THSD7B: variants seen among roughly 807,000 people sequenced by gnomAD.
THSD7B encodes thrombospondin type 1 domain containing 7B, also known as thrombospondin type-1 domain-containing protein 7B.
Under a neutral mutation model 213.6 loss-of-function variants are expected in THSD7B, and 138 were observed. That is an observed-to-expected ratio of 0.65 (90% CI 0.56 to 0.74). The LOEUF (loss-of-function observed/expected upper bound fraction) is 0.74, where lower values mean the gene tolerates loss of function less well. Ranked by LOEUF, THSD7B falls within the 30% of genes least tolerant of loss-of-function variation. The pLI is 0.00. For synonymous variants in THSD7B, 742 were observed against 687.0 expected, an observed-to-expected ratio of 1.08 and a Z score of -1.25; for missense variants, 1,931 against 1,991.5, an observed-to-expected ratio of 0.97 and a Z score of 0.58.
chr2:136,919,496 T>C (rs1173115675), intron 2 of THSD7B, among the ~76,000 whole-genome samples: 1 of 152,246 alleles, frequency 6.6e-6, no homozygotes, highest in East Asian at 1.9e-4. Context: ...GTTTATTTTC[T>C]AACAGGCTTA....
At chr2:137,670,540 G>A (rs1311833341) in intron 27 of THSD7B, among the ~76,000 whole-genome samples, 2 of 152,104 alleles carry the variant, frequency 1.3e-5, no homozygotes, top group Admixed American at 6.5e-5. Context: ...AGAGTAAATT[G>A]TCTATGCTAA....
intron 7 of THSD7B, among the ~76,000 whole-genome samples, chr2:137,187,382 T>C (rs1680570715): frequency 6.6e-6 from 1 of 152,194 alleles, no homozygotes; most frequent in Non-Finnish European, 1.5e-5. Flanking sequence ...GACCATGGTG[T>C]GCAAGTTTTT....
chr2:136,920,531 C>T (rs193194214), intron 2 of THSD7B, among the ~76,000 whole-genome samples: 1 of 152,220 alleles, frequency 6.6e-6, no homozygotes, highest in East Asian at 1.9e-4. Flanking sequence ...CATGGGCAGA[C>T]CTGGAAAAAG....
intron 7 of THSD7B, among the ~76,000 whole-genome samples, chr2:137,216,251 G>A (rs980783455): frequency 7.1e-6 from 1 of 141,126 alleles, no homozygotes; most frequent in Non-Finnish European, 1.5e-5. Flanking sequence ...CAGTTGTCAG[G>A]GTATCCCTGA....
intron 12 of THSD7B, among the ~76,000 whole-genome samples, chr2:137,281,616 A>G (rs1683017286): frequency 7.5e-6 from 1 of 132,858 alleles, no homozygotes; most frequent in Non-Finnish European, 1.5e-5. Flanking sequence ...ATGTGTTCTC[A>G]TTGTTCAATT....
At chr2:137,370,194 T>G (rs538051620) in intron 12 of THSD7B, among the ~76,000 whole-genome samples, 10 of 152,172 alleles carry the variant, frequency 6.6e-5, no homozygotes, top group Non-Finnish European at 1.5e-4. Context: ...CGTATACTTG[T>G]GAAAGTATTT....
chr2:137,047,671 A>G (rs76620242), intron 2 of THSD7B, among the ~76,000 whole-genome samples: 3,229 of 152,250 alleles, frequency 0.021, 130 homozygotes, highest in African/African-American at 0.074. Context: ...CATCTCAACA[A>G]TGCCAGGTTG....
At position 136,882,219 on chromosome 2, in the gene THSD7B, G is replaced by T. The variant is rs1558836918; in HGVS notation, c.41G>T (p.Trp14Leu). 1 of 1,543,818 alleles carries T rather than the reference G, an allele frequency of 6.5e-7. No homozygotes were observed. Among genetic ancestry groups the T allele is most frequent in the East Asian group, 2.5e-5 (1 of 40,326 alleles). Residue 14 changes from tryptophan to leucine, a missense_variant, in exon 2 of 28, where the codon TGG becomes TTG. Coordinates refer to ENST00000409968, the MANE Select transcript of THSD7B (RefSeq NM_001316349.2). Reference protein sequence around the residue: ...KSNLTVTCWVWRSMRKLFLLL... With the variant: ...KSNLTVTCWVLRSMRKLFLLL... ...AACCTAACAGTCACTTGCTGGGTAT[G>T]GAGGAGCATGAGGAAGCTCTTTCTA...
At chr2:137,225,348 C>A (rs899391147) in intron 7 of THSD7B, among the ~76,000 whole-genome samples, 1 of 152,212 alleles carries the variant, frequency 6.6e-6, no homozygotes. Flanking sequence ...TGGGCTTGCT[C>A]CCCCAGTGCT....
chr2:137,320,372 G>C (rs1684236496), intron 12 of THSD7B, among the ~76,000 whole-genome samples: 1 of 152,070 alleles, frequency 6.6e-6, no homozygotes, highest in Admixed American at 6.6e-5. Flanking sequence ...AAAACAGTTT[G>C]CCCTGTTTCT....
In THSD7B at chr2:137,543,755, T is replaced by C. The variant is rs1168164630; in HGVS notation, c.3139-19466T>C. 5.9e-5 allele frequency among the ~76,000 whole-genome samples: 9 copies of C among 151,738 alleles called. No individual in the cohort carries two copies. In the East Asian group the frequency reaches 1.8e-3, roughly 30 times the overall value. Reference sequence around the variant, plus strand: ...GTATTGAGGATAAATAAAGAACTCTTACAACTGAACAACAGGAACACAAAT... The same window carrying C: ...GTATTGAGGATAAATAAAGAACTCTCACAACTGAACAACAGGAACACAAAT... On this transcript the variant is annotated intron_variant, in intron 15 of 27. Transcript: ENST00000409968.
intron 15 of THSD7B, among the ~76,000 whole-genome samples, chr2:137,453,084 T>C (rs895035898): frequency 5.3e-5 from 8 of 152,080 alleles, no homozygotes; most frequent in African/African-American, 1.9e-4. Context: ...ATAATTTAGT[T>C]TGGCTTTTAG....
intron 16 of THSD7B, among the ~76,000 whole-genome samples, chr2:137,564,931 C>G: frequency 6.6e-6 from 1 of 152,084 alleles, no homozygotes; most frequent in Non-Finnish European, 1.5e-5. Flanking sequence ...AGAAGGTGAC[C>G]ATTTGGAAAT....
intron 2 of THSD7B, among the ~76,000 whole-genome samples, chr2:136,923,317 TTATA>T (rs1451525588): frequency 2.0e-5 from 3 of 152,226 alleles, no homozygotes; most frequent in African/African-American, 7.2e-5. Context: ...TCCATTTTAT[TTATA>T]TATTTCTTTT....
Position 137,385,314 on chromosome 2 carries a change from T to C in THSD7B, c.2501-20299T>C, listed in dbSNP as rs1685870342. Among the ~76,000 whole-genome samples the C allele has an allele frequency of 2.0e-5, 3 of 152,336 alleles. No individual in the cohort carries two copies. In the South Asian group the frequency reaches 6.2e-4, roughly 32 times the overall value. ...TTGTATCAACCCATGATGAAATAAT[T>C]GCAGTGGAGTGTAGTTCTGCCCTTA... is the stretch of plus-strand genomic sequence containing the variant. On this transcript the variant is annotated intron_variant, in intron 12 of 27. Transcript: ENST00000409968.
At chr2:137,392,590 A>G (rs1001953508) in intron 12 of THSD7B, among the ~76,000 whole-genome samples, 2 of 152,074 alleles carry the variant, frequency 1.3e-5, no homozygotes, top group Non-Finnish European at 1.5e-5. Context: ...TTCTGTTTGC[A>G]TGGAATATCT....
intron 12 of THSD7B, among the ~76,000 whole-genome samples, chr2:137,287,172 A>G (rs1231640706): frequency 6.6e-6 from 1 of 152,104 alleles, no homozygotes; most frequent in Non-Finnish European, 1.5e-5. Context: ...TGATTTATCT[A>G]ATTAATTAGC....
In THSD7B at chr2:137,309,369, A is replaced by T. The variant is rs555214656; in HGVS notation, c.2500+33343A>T. The stretch of plus-strand genomic sequence containing the variant: ...AAAAGACATAGTTGGCATACTGTGG[A>T]TAATAAGCCTTTTTGTCACATATTT... On this transcript the variant is annotated intron_variant, in intron 12 of 27. Coordinates refer to ENST00000409968, the MANE Select transcript of THSD7B (RefSeq NM_001316349.2). 5.9e-5 allele frequency among the ~76,000 whole-genome samples: 9 copies of T among 151,912 alleles called. No individual in the cohort carries two copies. In the East Asian group the frequency reaches 1.7e-3, roughly 29 times the overall value.
intron 1 of THSD7B, among the ~76,000 whole-genome samples, chr2:136,770,493 A>T (rs1374979952): frequency 6.6e-6 from 1 of 152,230 alleles, no homozygotes; most frequent in Non-Finnish European, 1.5e-5. Flanking sequence ...CAGTAGGTCA[A>T]TGAGTATTGC....
Sources: allele counts gnomAD v4.1 joint callset (sites outside exome capture counted in the v4.1 genomes callset), GRCh38; gene constraint gnomAD v4.1.1; transcripts MANE v1.5; gene names NCBI Gene and HGNC (gene_info 2026-07-23, HGNC 2026-07-21).